The following IREB2 variants were observed in gnomAD, a reference collection of about 807,000 sequenced individuals.
IREB2 encodes iron-responsive element-binding protein 2.
IREB2 carries 39 observed loss-of-function variants against 118.8 expected under a neutral mutation model. The ratio of observed to expected loss-of-function variants is 0.33; its 90% CI spans 0.25 to 0.43. The LOEUF (loss-of-function observed/expected upper bound fraction) is 0.43. Among genes scored for constraint, IREB2 ranks in the 20% least tolerant of loss-of-function variants. The pLI is 1.00. For synonymous variants in IREB2, 372 were observed against 392.2 expected (o/e 0.95, Z 0.61); for missense variants, 900 against 1,147.3 (o/e 0.78, Z 3.11).
intron 3 of IREB2, among the ~76,000 whole-genome samples, chr15:78,464,636 T>C (rs2051250493): frequency 6.6e-6 from 1 of 152,080 alleles, no homozygotes; most frequent in African/African-American, 2.4e-5. Flanking sequence ...TAGGCTGGAG[T>C]GTAGTGATGT....
chr15:78,476,353 C>A lies in IREB2; in HGVS notation c.1189C>A (p.His397Asn), dbSNP rs367560897. 1.3e-6 allele frequency: 2 copies of A among 1,556,970 alleles called. No homozygotes were observed. The highest frequency in any genetic ancestry group is 1.8e-6 in the Non-Finnish European group (2 of 1,139,154). Residue 397 changes from histidine to asparagine, a missense_variant, in exon 9 of 22, where the codon CAT becomes AAT. Physicochemically the swap from His to Asn is moderately conservative, Grantham distance 68. Transcript: ENST00000258886. ...CAATGTGACATTAAAACATTTAGAA[C>A]ATACAGGTAAGAAGATAAAAGATCA... The part of the protein sequence containing the change: ...VDNVTLKHLE[H>N]TGFSKAKLES...
At chr15:78,460,021 G>A (rs2656062) in intron 2 of IREB2, among the ~76,000 whole-genome samples, 151,061 of 152,340 alleles carry the variant, frequency 0.99, 74,913 homozygotes, top group East Asian at 1. Flanking sequence ...TTATTTTTGC[G>A]AGAACACTTC....
chr15:78,450,468 G>A (rs936805680), intron 2 of IREB2, among the ~76,000 whole-genome samples: 1 of 152,220 alleles, frequency 6.6e-6, no homozygotes, highest in African/African-American at 2.4e-5. Flanking sequence ...GTTTTGGCCA[G>A]GTTGGAGCTG....
In IREB2 at chr15:78,488,958, G is replaced by A. The variant is rs997130003; in HGVS notation, c.2076+187G>A. Among the ~76,000 whole-genome samples the A allele has an allele frequency of 8.5e-5, 13 of 152,270 alleles. No homozygotes were observed. The South Asian group carries it at 1.7e-3, about 19-fold the overall frequency. ...ATGGCGGCTGGGCACAGTGGCTCACGCCTGTAATCCCGACACTTTGGGAGG... is the reference window on the plus strand; with the variant it reads ...ATGGCGGCTGGGCACAGTGGCTCACACCTGTAATCCCGACACTTTGGGAGG... On this transcript the variant is annotated intron_variant, in intron 16 of 21. Coordinates refer to ENST00000258886, the MANE Select transcript of IREB2 (RefSeq NM_004136.4).
At chr15:78,462,014 G>A (rs1228190289) in intron 2 of IREB2, among the ~76,000 whole-genome samples, 1 of 152,038 alleles carries the variant, frequency 6.6e-6, no homozygotes, top group East Asian at 1.9e-4. Flanking sequence ...AAATATGCAT[G>A]CTAATATATT....
At chr15:78,494,493 A>T (rs1187945121) in intron 20 of IREB2, among the ~76,000 whole-genome samples, 1 of 152,188 alleles carries the variant, frequency 6.6e-6, no homozygotes, top group East Asian at 1.9e-4. Context: ...CATCAGTCTT[A>T]TGTGAAGAAG....
chr15:78,468,993 G>A (rs1345532673), intron 5 of IREB2, among the ~76,000 whole-genome samples: 4 of 152,008 alleles, frequency 2.6e-5, no homozygotes, highest in Admixed American at 1.3e-4. Context: ...TTTATAACTG[G>A]CACATCGTAA....
intron 2 of IREB2, among the ~76,000 whole-genome samples, chr15:78,456,113 A>G (rs556513018): frequency 6.6e-6 from 1 of 152,278 alleles, no homozygotes; most frequent in East Asian, 1.9e-4. Context: ...CATACTCTAA[A>G]TAGAGTCAGA....
intron 2 of IREB2, among the ~76,000 whole-genome samples, chr15:78,444,741 T>A (rs917138023): frequency 6.6e-6 from 1 of 152,204 alleles, no homozygotes; most frequent in African/African-American, 2.4e-5. Context: ...ATAAAGTATA[T>A]GTTGTTTTGT....
chr15:78,464,093 C>A (rs1408297457), intron 3 of IREB2, among the ~76,000 whole-genome samples: 1 of 152,198 alleles, frequency 6.6e-6, no homozygotes, highest in Non-Finnish European at 1.5e-5. Context: ...TGGTTCTAGT[C>A]CCATTCTCTC....
Position 78,438,345 on chromosome 15 carries a change from C to A in IREB2, c.8C>A (p.Ala3Asp), listed in dbSNP as rs2050787029. 1.3e-6 allele frequency: 2 copies of A among 1,597,050 alleles called. No homozygotes were observed. The highest frequency in any genetic ancestry group is 1.3e-5 in the African/African-American group (1 of 74,934). The change falls in exon 1 of 22, where the codon GCC becomes GAC. Residue 3 changes from alanine (A) to aspartate (D), a missense_variant. Transcript: ENST00000258886. ...ATAATATGGTCTCCGGCGATGGACGCCCCAAAAGCAGGTCAGTTTCGGGCC... is the reference window on the plus strand; with the variant it reads ...ATAATATGGTCTCCGGCGATGGACGACCCAAAAGCAGGTCAGTTTCGGGCC... MD[A>D]PKAGYAFEYL... is the part of the protein sequence containing the mutation.
At chr15:78,441,090 C>A (rs1009994287) in intron 2 of IREB2, among the ~76,000 whole-genome samples, 1 of 152,058 alleles carries the variant, frequency 6.6e-6, no homozygotes, top group African/African-American at 2.4e-5. Flanking sequence ...TTAATTAAGA[C>A]GATTGTTCTT....
At chr15:78,472,692 C>T (rs993501843) in intron 7 of IREB2, among the ~76,000 whole-genome samples, 1 of 152,124 alleles carries the variant, frequency 6.6e-6, no homozygotes, top group African/African-American at 2.4e-5. Context: ...TATGCCATGA[C>T]TTTGCATAGG....
At chr15:78,448,987 C>T (rs2050977523) in intron 2 of IREB2, among the ~76,000 whole-genome samples, 1 of 152,122 alleles carries the variant, frequency 6.6e-6, no homozygotes, top group African/African-American at 2.4e-5. Flanking sequence ...TATCAAAACC[C>T]TTTTACTTCA....
chr15:78,478,433 G>A lies in IREB2; in HGVS notation c.1296+36G>A, dbSNP rs370794222. On this transcript the variant is annotated intron_variant, in intron 10 of 21. Coordinates refer to ENST00000258886, the MANE Select transcript of IREB2 (RefSeq NM_004136.4). Reference sequence around the variant, plus strand: ...AATAACCCACCTCGTAGCAAAGAGTGTAAATTGTGGTGTAATCCCAGCGCT... The same window carrying A: ...AATAACCCACCTCGTAGCAAAGAGTATAAATTGTGGTGTAATCCCAGCGCT... 45 of 1,255,310 alleles carry A rather than the reference G, an allele frequency of 3.6e-5. No individual in the cohort carries two copies. The African/African-American group carries it at 6.0e-4, about 17-fold the overall frequency. 77.8% of individuals were successfully genotyped at this position (1,255,310 alleles called of 1,614,324 possible).
At chr15:78,472,792 T>C (rs1270810490) in intron 7 of IREB2, among the ~76,000 whole-genome samples, 3 of 152,236 alleles carry the variant, frequency 2.0e-5, no homozygotes, top group Non-Finnish European at 4.4e-5. Flanking sequence ...CTCAGTTATC[T>C]TCTGAAAGTC....
chr15:78,452,912 GTATT>G (rs1382478444), intron 2 of IREB2, among the ~76,000 whole-genome samples: 1 of 152,170 alleles, frequency 6.6e-6, no homozygotes, highest in Non-Finnish European at 1.5e-5. Flanking sequence ...CTTATTAACA[GTATT>G]TATGTTGGTT....
chr15:78,456,829 T>C (rs2051113552), intron 2 of IREB2, among the ~76,000 whole-genome samples: 1 of 152,218 alleles, frequency 6.6e-6, no homozygotes, highest in African/African-American at 2.4e-5. Flanking sequence ...CCCCAGAGAA[T>C]ACTATTTTCA....
intron 2 of IREB2, among the ~76,000 whole-genome samples, chr15:78,454,995 A>C (rs925171447): frequency 6.6e-6 from 1 of 151,884 alleles, no homozygotes; most frequent in Non-Finnish European, 1.5e-5. Context: ...CAGCCAGTAA[A>C]GTTAGTTTTA....
Sources: allele counts gnomAD v4.1 joint callset (sites outside exome capture counted in the v4.1 genomes callset), GRCh38; gene constraint gnomAD v4.1.1; transcripts MANE v1.5; gene names NCBI Gene and HGNC (gene_info 2026-07-23, HGNC 2026-07-21).